Variants in GOLPH3L observed in about 807,000 individuals in gnomAD.
GOLPH3L encodes Golgi phosphoprotein 3-like.
In GOLPH3L, 22 loss-of-function variants were observed where a neutral mutation model predicts 30.3. That is an observed-to-expected ratio of 0.73 (90% CI 0.52 to 1.04). The LOEUF (loss-of-function observed/expected upper bound fraction) is 1.04. Ranked by LOEUF, GOLPH3L falls within the 50% of genes least tolerant of loss-of-function variation. The probability of loss-of-function intolerance (pLI) is 0.00; values close to 1 mark genes in which losing one functional copy is unlikely to be tolerated. For synonymous variants in GOLPH3L, 120 were observed against 128.2 expected, an observed-to-expected ratio of 0.94 and a Z score of 0.43; for missense variants, 303 against 345.8, an observed-to-expected ratio of 0.88 and a Z score of 0.98.
intron 4 of GOLPH3L, among the ~76,000 whole-genome samples, chr1:150,655,881 C>T (rs6661872): frequency 6.3e-4 from 96 of 152,112 alleles, no homozygotes; most frequent in African/African-American, 2.2e-3. Context: ...TCTAAAAATT[C>T]GCCTTTAATA....
chr1:150,660,526 C>T (rs1650343931), intron 4 of GOLPH3L, among the ~76,000 whole-genome samples: 1 of 124,402 alleles, frequency 8.0e-6, no homozygotes, highest in East Asian at 2.5e-4. Flanking sequence ...AAGGTGGAAA[C>T]AAGGCAAGTG....
At chr1:150,668,133 C>T (rs960553939) in intron 2 of GOLPH3L, among the ~76,000 whole-genome samples, 10 of 152,150 alleles carry the variant, frequency 6.6e-5, no homozygotes, top group Non-Finnish European at 1.5e-4. Flanking sequence ...TATCATATTG[C>T]AAACAACTAT....
At chr1:150,685,463 C>T (rs757903518) in intron 2 of GOLPH3L, among the ~76,000 whole-genome samples, 1 of 152,068 alleles carries the variant, frequency 6.6e-6, no homozygotes, top group Non-Finnish European at 1.5e-5. Context: ...GCCTGTAATC[C>T]CAGCACTTTG....
chr1:150,682,431 C>T (rs1447383040), intron 2 of GOLPH3L, among the ~76,000 whole-genome samples: 2 of 151,716 alleles, frequency 1.3e-5, no homozygotes, highest in Non-Finnish European at 2.9e-5. Context: ...AGTTTGAGAC[C>T]AGCCTGGGCA....
In GOLPH3L at chr1:150,648,138, T is replaced by G; in HGVS notation, c.*183A>C. On this transcript the variant is annotated 3_prime_UTR_variant, in exon 5 of 5. Coordinates refer to ENST00000271732, the MANE Select transcript of GOLPH3L (RefSeq NM_018178.6). ...TATGGAGTGGAAGTGTAGGGAGAAA[T>G]AAGGTCTGCTTATAATGGTCAAGGT... 1.9e-6 allele frequency: 1 copy of G among 518,714 alleles called. No individual in the cohort carries two copies. 32.1% of individuals were successfully genotyped at this position (518,714 alleles called of 1,614,324 possible).
At position 150,694,865 on chromosome 1, in the gene GOLPH3L, GA is replaced by G. The variant is rs587633875; in HGVS notation, c.-12-16del. 2,033 of 1,385,272 alleles carry G rather than the reference GA, an allele frequency of 1.5e-3. 2 individuals are homozygous for G. The highest frequency in any genetic ancestry group is 2.1e-3 in the South Asian group (144 of 67,284). 85.8% of individuals were successfully genotyped at this position (1,385,272 alleles called of 1,614,324 possible). On this transcript the variant is annotated splice_polypyrimidine_tract_variant and intron_variant, in intron 1 of 4. Coordinates refer to ENST00000271732, the MANE Select transcript of GOLPH3L (RefSeq NM_018178.6). Reference sequence around the variant, plus strand: ...CTCACCTGTTTCTGGAGGGAGTGGTGAAAAAAAAAATCCATATGTATGCTTA... The same window carrying G: ...CTCACCTGTTTCTGGAGGGAGTGGTGAAAAAAAAATCCATATGTATGCTTA...
intron 4 of GOLPH3L, among the ~76,000 whole-genome samples, chr1:150,661,184 C>T (rs1292222370): frequency 1.3e-5 from 2 of 152,094 alleles, no homozygotes; most frequent in African/African-American, 4.8e-5. Context: ...GCTGAGATTG[C>T]ATCACTGTAC....
chr1:150,675,414 C>T (rs975342233), intron 2 of GOLPH3L, among the ~76,000 whole-genome samples: 1 of 151,998 alleles, frequency 6.6e-6, no homozygotes, highest in African/African-American at 2.4e-5. Context: ...TACAACCAAA[C>T]TTTTCTGTAT....
At chr1:150,696,413 G>C (rs1651355845) in intron 1 of GOLPH3L, among the ~76,000 whole-genome samples, 1 of 152,016 alleles carries the variant, frequency 6.6e-6, no homozygotes, top group African/African-American at 2.4e-5. Context: ...ATTTATTATA[G>C]TCTTTCTCTT....
At chr1:150,671,146 G>A (rs1650634567) in intron 2 of GOLPH3L, among the ~76,000 whole-genome samples, 1 of 151,984 alleles carries the variant, frequency 6.6e-6, no homozygotes, top group Non-Finnish European at 1.5e-5. Flanking sequence ...GGAGGGTGAG[G>A]CAGGAGAATC....
intron 2 of GOLPH3L, among the ~76,000 whole-genome samples, chr1:150,679,665 C>T (rs1174740193): frequency 3.3e-5 from 5 of 152,048 alleles, no homozygotes; most frequent in Admixed American, 6.6e-5. Context: ...CCAGGCATGG[C>T]GGCATACGCC....
At chr1:150,668,292 A>G (rs975804426) in intron 2 of GOLPH3L, among the ~76,000 whole-genome samples, 5 of 152,022 alleles carry the variant, frequency 3.3e-5, no homozygotes, top group Admixed American at 2.0e-4. Context: ...GACATCTCCA[A>G]ATTTCCTGAG....
At chr1:150,654,796 A>C (rs1203013968) in intron 4 of GOLPH3L, among the ~76,000 whole-genome samples, 2 of 152,214 alleles carry the variant, frequency 1.3e-5, no homozygotes, top group African/African-American at 4.8e-5. Context: ...AAAAGCTGTG[A>C]GCCTTCTGCC....
intron 2 of GOLPH3L, among the ~76,000 whole-genome samples, chr1:150,672,505 A>T (rs1650669566): frequency 6.6e-6 from 1 of 152,210 alleles, no homozygotes. Context: ...ATCATGGCTC[A>T]CTGCAACCTC....
At chr1:150,651,143 G>T (rs1378246807) in intron 4 of GOLPH3L, among the ~76,000 whole-genome samples, 1 of 151,776 alleles carries the variant, frequency 6.6e-6, no homozygotes, top group South Asian at 2.1e-4. Flanking sequence ...ATGGCGAAAC[G>T]CCATCTCTAC....
chr1:150,666,052 GT>G (rs1257298942), intron 2 of GOLPH3L, among the ~76,000 whole-genome samples: 2 of 152,026 alleles, frequency 1.3e-5, no homozygotes, highest in African/African-American at 2.4e-5. Context: ...TTTGTAGGTG[GT>G]GTATCTTTTC....
intron 2 of GOLPH3L, among the ~76,000 whole-genome samples, chr1:150,693,797 ATG>A (rs796936730): frequency 2.0e-4 from 12 of 60,966 alleles, no homozygotes; most frequent in African/African-American, 4.4e-4. Flanking sequence ...TTGTTTATGT[ATG>A]TGTGTGTGTG....
In GOLPH3L at chr1:150,648,762, G is replaced by C; in HGVS notation, c.431-14C>G. On this transcript the variant is annotated splice_polypyrimidine_tract_variant and intron_variant, in intron 4 of 4. Transcript: ENST00000271732. ...TCCAGGTCTCACCTATGAGAAAAAAGAAATAGGACATAATGAACTGAAAGA... is the reference window on the plus strand; with the variant it reads ...TCCAGGTCTCACCTATGAGAAAAAACAAATAGGACATAATGAACTGAAAGA... 5.2e-6 allele frequency: 8 copies of C among 1,542,444 alleles called. No individual in the cohort carries two copies. Among genetic ancestry groups the C allele is most frequent in the Non-Finnish European group, 7.2e-6 (8 of 1,118,538 alleles).
Position 150,677,830 on chromosome 1 carries a change from T to C in GOLPH3L, c.184-14067A>G, listed in dbSNP as rs1650850474. Among the ~76,000 whole-genome samples the C allele has an allele frequency of 2.0e-5, 3 of 151,438 alleles. No homozygotes were observed. In the South Asian group the frequency reaches 6.2e-4, roughly 31 times the overall value. On this transcript the variant is annotated intron_variant, in intron 2 of 4. Coordinates refer to ENST00000271732, the MANE Select transcript of GOLPH3L (RefSeq NM_018178.6). ...TTTAGAGATGAGGGTCTTGCTATGT[T>C]GCCCAAGCTGGTCTCAAACTCATAG...
Sources: gnomAD v4.1 joint callset for allele counts (sites outside exome capture counted in the v4.1 genomes callset) on GRCh38, gnomAD v4.1.1 for gene constraint, MANE v1.5 for transcripts, NCBI Gene and HGNC (gene_info 2026-07-23, HGNC 2026-07-21) for gene names.